Variants in DTHD1 observed in about 807,000 individuals in gnomAD.
DTHD1 encodes death domain-containing protein 1.
In DTHD1, 59 loss-of-function variants were observed where a neutral mutation model predicts 74.8. The ratio of observed to expected loss-of-function variants is 0.79; its 90% CI spans 0.64 to 0.98. The LOEUF (loss-of-function observed/expected upper bound fraction) is 0.98. Ranked by LOEUF, DTHD1 falls within the 50% of genes least tolerant of loss-of-function variation. The pLI is 0.00. For synonymous variants in DTHD1, 365 were observed against 371.1 expected (o/e 0.98, Z 0.19); for missense variants, 1,051 against 1,065.4 (o/e 0.99, Z 0.19).
chr4:36,338,555 C>T (rs1469420547), intron 8 of DTHD1, among the ~76,000 whole-genome samples: 1 of 151,376 alleles, frequency 6.6e-6, no homozygotes, highest in Non-Finnish European at 1.5e-5. Flanking sequence ...TTTATTTTAT[C>T]TCATATGCTG....
At chr4:36,304,787 T>C (rs1756951525) in intron 5 of DTHD1, among the ~76,000 whole-genome samples, 1 of 152,252 alleles carries the variant, frequency 6.6e-6, no homozygotes, top group South Asian at 2.1e-4. Context: ...GCTTTCTCCA[T>C]CTCTAGGACT....
At chr4:36,342,743 A>T (rs543631440) in intron 9 of DTHD1, among the ~76,000 whole-genome samples, 7 of 151,810 alleles carry the variant, frequency 4.6e-5, no homozygotes, top group Non-Finnish European at 1.0e-4. Flanking sequence ...AGTACTAATA[A>T]GGAGAAATAG....
intron 7 of DTHD1, among the ~76,000 whole-genome samples, chr4:36,315,320 GT>G (rs1325200394): frequency 2.0e-5 from 3 of 152,106 alleles, no homozygotes; most frequent in African/African-American, 7.2e-5. Context: ...AATCTGTCAG[GT>G]TTTCATAGAA....
chr4:36,311,043 T>A (rs1757373978), intron 7 of DTHD1: 1 of 152,284 alleles, frequency 6.6e-6, no homozygotes, highest in South Asian at 2.1e-4. Context: ...ACAGCAGCTG[T>A]GTTTACCAAC....
intron 3 of DTHD1, 65 bp downstream of exon 3, chr4:36,290,768 T>A (rs1466366766): frequency 7.9e-7 from 1 of 1,258,552 alleles, no homozygotes; most frequent in African/African-American, 1.5e-5. Context: ...TCACTCAGAC[T>A]AACAGATTGT....
chr4:36,317,717 T>C (rs1005060038), intron 8 of DTHD1, among the ~76,000 whole-genome samples: 1 of 152,218 alleles, frequency 6.6e-6, no homozygotes, highest in African/African-American at 2.4e-5. Context: ...CAAAATTACG[T>C]TGTAAAATAG....
rs1199480317 is a variant in DTHD1, at chr4:36,345,866, G to C, written c.*2042G>C. 6.6e-5 allele frequency: 10 copies of C among 152,142 alleles called. No homozygotes were observed. Among genetic ancestry groups the C allele is most frequent in the Non-Finnish European group, 4.4e-5 (3 of 67,966 alleles). 9.4% of individuals were successfully genotyped at this position (152,142 alleles called of 1,614,324 possible). A position where few individuals can be genotyped will look rare whatever the true frequency, so the allele number is the denominator to read the frequency against. On this transcript the variant is annotated 3_prime_UTR_variant, in exon 10 of 10. Transcript: ENST00000639862. Reference sequence around the variant, plus strand: ...TTTCTATCGGTATAGATGTATCTAAGGACACTCACATATGTGTTCACCTGC... The same window carrying C: ...TTTCTATCGGTATAGATGTATCTAACGACACTCACATATGTGTTCACCTGC...
intron 8 of DTHD1, among the ~76,000 whole-genome samples, chr4:36,327,309 T>C (rs1452846347): frequency 6.6e-6 from 1 of 152,176 alleles, no homozygotes; most frequent in African/African-American, 2.4e-5. Flanking sequence ...GAAAGAATTA[T>C]GCTAAGAGTT....
At chr4:36,339,191 A>T (rs1025118229) in intron 9 of DTHD1, 22 bp downstream of exon 9, 1 of 1,508,580 alleles carries the variant, frequency 6.6e-7, no homozygotes, top group Non-Finnish European at 9.0e-7. Context: ...TTGCTTTGTC[A>T]TCATTATAGT....
intron 2 of DTHD1, among the ~76,000 whole-genome samples, chr4:36,288,417 A>T (rs1285149724): frequency 6.6e-6 from 1 of 152,112 alleles, no homozygotes; most frequent in African/African-American, 2.4e-5. Context: ...ATCTTCTAGA[A>T]CTTTTTTTGG....
At chr4:36,324,214 C>A (rs1758206070) in intron 8 of DTHD1, among the ~76,000 whole-genome samples, 1 of 151,516 alleles carries the variant, frequency 6.6e-6, no homozygotes, top group Non-Finnish European at 1.5e-5. Context: ...TTATCTCTTC[C>A]TCTGCACCTT....
chr4:36,334,358 G>GTT (rs34455692), intron 8 of DTHD1, among the ~76,000 whole-genome samples: 38 of 138,926 alleles, frequency 2.7e-4, no homozygotes, highest in East Asian at 1.9e-3. Context: ...ATTTTTTTTG[G>GTT]TTTTTTTTTT....
At chr4:36,293,822 T>C (rs1195546491) in intron 4 of DTHD1, 117 bp downstream of exon 4, 7 of 902,870 alleles carry the variant, frequency 7.8e-6, no homozygotes, top group Non-Finnish European at 1.1e-5. Context: ...GATTATTTTC[T>C]TGTAGTTGTA....
chr4:36,321,700 T>C (rs991630552), intron 8 of DTHD1, among the ~76,000 whole-genome samples: 1 of 152,240 alleles, frequency 6.6e-6, no homozygotes, highest in Non-Finnish European at 1.5e-5. Flanking sequence ...TCTACGAAAC[T>C]GGTTCCTGGT....
chr4:36,347,248 T>G lies in DTHD1; in HGVS notation c.*3424T>G, dbSNP rs1307645270. Among the ~76,000 whole-genome samples the G allele has an allele frequency of 6.6e-6, 1 of 152,196 alleles. No homozygotes were observed. The highest frequency in any genetic ancestry group is 1.9e-4 in the East Asian group (1 of 5,200). On this transcript the variant is annotated 3_prime_UTR_variant, in exon 10 of 10. Coordinates refer to ENST00000639862, the MANE Select transcript of DTHD1 (RefSeq NM_001170700.3). ...TAGTATAATCAATTTCTGAAATTGG[T>G]TAAAATGAAATTTTGCAGTATATAT...
chr4:36,288,374 A>G (rs1028762665), intron 2 of DTHD1, among the ~76,000 whole-genome samples: 1 of 152,246 alleles, frequency 6.6e-6, no homozygotes, highest in Non-Finnish European at 1.5e-5. Flanking sequence ...CTGAGATTAC[A>G]GGCGTGAGCC....
intron 4 of DTHD1, among the ~76,000 whole-genome samples, chr4:36,294,106 T>G (rs1756249937): frequency 6.6e-6 from 1 of 151,896 alleles, no homozygotes; most frequent in Non-Finnish European, 1.5e-5. Context: ...ATAATAAATA[T>G]TTTGTTATAT....
intron 5 of DTHD1, among the ~76,000 whole-genome samples, chr4:36,304,534 T>C (rs752919844): frequency 6.6e-6 from 1 of 152,214 alleles, no homozygotes; most frequent in Non-Finnish European, 1.5e-5. Flanking sequence ...TAACTTCTAG[T>C]TAAAACTAGA....
At chr4:36,286,309 C>G (rs1755709441) in intron 2 of DTHD1, among the ~76,000 whole-genome samples, 1 of 152,192 alleles carries the variant, frequency 6.6e-6, no homozygotes, top group Non-Finnish European at 1.5e-5. Context: ...CTGAACTACT[C>G]CCTCTAACAC....
Sources: gnomAD v4.1 joint callset for allele counts (sites outside exome capture counted in the v4.1 genomes callset) on GRCh38, gnomAD v4.1.1 for gene constraint, MANE v1.5 for transcripts, NCBI Gene and HGNC (gene_info 2026-07-23, HGNC 2026-07-21) for gene names.